NAV3: variants seen among roughly 807,000 people sequenced by gnomAD.
NAV3 encodes the protein pore membrane and/or filament interacting like protein 1.
NAV3 carries 87 observed loss-of-function variants against 244.7 expected under a neutral mutation model. The observed-to-expected ratio is 0.36, with a 90% CI of 0.30 to 0.42. NAV3 has a LOEUF of 0.42. NAV3 is among the 20% of genes least tolerant of loss of function. NAV3 has a pLI of 1.00. For synonymous variants in NAV3, 1,126 were observed against 1,042.2 expected (o/e 1.08, Z -1.55); for missense variants, 2,663 against 2,893.3 (o/e 0.92, Z 1.83).
chr12:77,926,506 A>G (rs1228106302), intron 1 of NAV3, among the ~76,000 whole-genome samples: 1 of 152,226 alleles, frequency 6.6e-6, no homozygotes, highest in East Asian at 1.9e-4. Flanking sequence ...ATAGATATAG[A>G]TATAGATATG....
chr12:77,639,470 C>T (rs1490646323), intron 2 of NAV3, among the ~76,000 whole-genome samples: 1 of 152,092 alleles, frequency 6.6e-6, no homozygotes, highest in African/African-American at 2.4e-5. Flanking sequence ...TCAGCCATCT[C>T]GTCTAACCAG....
intron 2 of NAV3, among the ~76,000 whole-genome samples, chr12:77,653,297 G>A (rs1280746455): frequency 5.3e-5 from 8 of 152,130 alleles, no homozygotes. Flanking sequence ...ATACTGACAG[G>A]TGCTAATTGA....
intron 16 of NAV3, among the ~76,000 whole-genome samples, chr12:78,126,671 C>T (rs1055275189): frequency 6.6e-6 from 1 of 152,118 alleles, no homozygotes; most frequent in South Asian, 2.1e-4. Context: ...ATATATCTTT[C>T]TTCACATGTA....
chr12:78,200,310 T>C (rs139158945), intron 37 of NAV3, among the ~76,000 whole-genome samples, 163 bp from the exon 38 acceptor site: 1 of 152,218 alleles, frequency 6.6e-6, no homozygotes, highest in East Asian at 1.9e-4. Context: ...GGCTAGGATA[T>C]TGGGTCTTCA....
chr12:77,902,030 C>G (rs990004583), intron 1 of NAV3, among the ~76,000 whole-genome samples: 7 of 152,148 alleles, frequency 4.6e-5, no homozygotes, highest in Middle Eastern at 3.2e-3. Flanking sequence ...TTGTCTCTAC[C>G]TTTACCTCTG....
At chr12:77,616,216 G>A (rs149613594) in intron 2 of NAV3, among the ~76,000 whole-genome samples, 1,986 of 152,142 alleles carry the variant, frequency 0.013, 23 homozygotes, top group Middle Eastern at 0.02. Flanking sequence ...AGACTAGACT[G>A]GCCAACGTGG....
At chr12:77,631,998 T>G (rs1435622935) in intron 2 of NAV3, among the ~76,000 whole-genome samples, 1 of 152,242 alleles carries the variant, frequency 6.6e-6, no homozygotes, top group African/African-American at 2.4e-5. Flanking sequence ...AATATACACG[T>G]GAACAGAGTT....
At chr12:77,777,226 A>G (rs1285843428) in intron 2 of NAV3, among the ~76,000 whole-genome samples, 1 of 152,228 alleles carries the variant, frequency 6.6e-6, no homozygotes, top group Non-Finnish European at 1.5e-5. Flanking sequence ...ATACTAGGAG[A>G]TTAACAATAA....
At chr12:77,705,635 C>CA (rs1342105680) in intron 2 of NAV3, among the ~76,000 whole-genome samples, 1 of 151,328 alleles carries the variant, frequency 6.6e-6, no homozygotes, top group African/African-American at 2.5e-5. Flanking sequence ...GCAGCTCTAG[C>CA]CAGATGTGGC....
intron 18 of NAV3, among the ~76,000 whole-genome samples, chr12:78,131,603 ACTC>A (rs1439242902): frequency 5.3e-5 from 8 of 151,966 alleles, no homozygotes; most frequent in African/African-American, 1.9e-4. Flanking sequence ...TGATTAGTTG[ACTC>A]CTTCTTCTAT....
intron 1 of NAV3, among the ~76,000 whole-genome samples, chr12:77,917,583 C>G (rs1306707705): frequency 6.6e-6 from 1 of 151,908 alleles, no homozygotes; most frequent in Non-Finnish European, 1.5e-5. Context: ...CTTGAAGTGC[C>G]TGGGTATTGC....
intron 9 of NAV3, among the ~76,000 whole-genome samples, chr12:78,039,194 A>G (rs1218932462): frequency 6.6e-6 from 1 of 152,142 alleles, no homozygotes; most frequent in Admixed American, 6.5e-5. Context: ...ATAATGATCC[A>G]TGTTAAGTTG....
At chr12:78,007,783 G>A (rs73135995) in intron 8 of NAV3, among the ~76,000 whole-genome samples, 2,046 of 152,138 alleles carry the variant, frequency 0.013, 42 homozygotes, top group South Asian at 0.089. Flanking sequence ...TATTACTAGC[G>A]GCAGACTTTT....
intron 9 of NAV3, among the ~76,000 whole-genome samples, chr12:78,032,601 A>C (rs1456564594): frequency 3.3e-5 from 5 of 152,176 alleles, no homozygotes; most frequent in African/African-American, 1.2e-4. Context: ...AGCTCCAATA[A>C]TTATTATAGT....
chr12:77,646,077 C>T (rs912624831), intron 2 of NAV3, among the ~76,000 whole-genome samples: 6 of 151,982 alleles, frequency 3.9e-5, no homozygotes, highest in African/African-American at 9.7e-5. Context: ...TGTTTTGATA[C>T]GAGCTTCATG....
chr12:77,614,153 A>G (rs1267724386), intron 2 of NAV3, among the ~76,000 whole-genome samples: 3 of 138,038 alleles, frequency 2.2e-5, no homozygotes, highest in East Asian at 2.1e-4. Context: ...GCGCTATTCA[A>G]TGCCTTATGT....
At chr12:77,915,730 T>C (rs1401387362) in intron 1 of NAV3, among the ~76,000 whole-genome samples, 1 of 152,058 alleles carries the variant, frequency 6.6e-6, no homozygotes, top group Admixed American at 6.6e-5. Context: ...AGTAGAGCTG[T>C]AAAGACAAAA....
chr12:78,067,044 T>G (rs1484899816), intron 12 of NAV3, among the ~76,000 whole-genome samples: 3 of 152,108 alleles, frequency 2.0e-5, no homozygotes, highest in African/African-American at 7.2e-5. Flanking sequence ...CTTTATGATT[T>G]CCAAGCCTTT....
intron 9 of NAV3, among the ~76,000 whole-genome samples, chr12:78,039,060 T>C (rs1343980015): frequency 6.6e-6 from 1 of 152,144 alleles, no homozygotes; most frequent in African/African-American, 2.4e-5. Context: ...TTTAAGTATT[T>C]TTTTTCCTAC....
Sources: gnomAD v4.1 joint callset for allele counts (sites outside exome capture counted in the v4.1 genomes callset) on GRCh38, gnomAD v4.1.1 for gene constraint, MANE v1.5 for transcripts, NCBI Gene and HGNC (gene_info 2026-07-23, HGNC 2026-07-21) for gene names.